Variants in EZH2 observed in about 807,000 individuals in gnomAD.
EZH2 encodes histone-lysine N-methyltransferase EZH2.
EZH2 carries 18 observed loss-of-function variants against 98.4 expected under a neutral mutation model. The ratio of observed to expected loss-of-function variants is 0.18; its 90% confidence interval spans 0.13 to 0.27. The LOEUF is 0.27. Among genes scored for constraint, EZH2 ranks in the 10% least tolerant of loss-of-function variants. EZH2 has a pLI of 1.00. For missense variants in EZH2, 470 were observed against 935.1 expected, an observed-to-expected ratio of 0.50 and a Z score of 6.49; for synonymous variants, 338 against 312.3, an observed-to-expected ratio of 1.08 and a Z score of -0.87.
At chr7:148,833,080 T>A (rs1042567062) in intron 3 of EZH2, among the ~76,000 whole-genome samples, 2 of 152,212 alleles carry the variant, frequency 1.3e-5, no homozygotes, top group Non-Finnish European at 2.9e-5. Context: ...ATTTCCTAGC[T>A]CATCCTTCAT....
intron 1 of EZH2, among the ~76,000 whole-genome samples, chr7:148,855,121 G>A (rs755159481): frequency 2.6e-5 from 4 of 152,234 alleles, no homozygotes; most frequent in Non-Finnish European, 5.9e-5. Flanking sequence ...CAAGATCAGA[G>A]ATGGCAAGGA....
chr7:148,878,204 T>C (rs1319508062), intron 1 of EZH2, among the ~76,000 whole-genome samples: 1 of 152,190 alleles, frequency 6.6e-6, no homozygotes, highest in Non-Finnish European at 1.5e-5. Context: ...CCATCACTAT[T>C]ATCCATCTCC....
Position 148,873,922 on chromosome 7 carries a change from C to G in EZH2, c.-8+10242G>C, listed in dbSNP as rs893393552. Among the ~76,000 whole-genome samples the G allele has an allele frequency of 2.6e-5, 4 of 151,908 alleles. No homozygotes were observed. The East Asian group carries it at 7.7e-4, about 29-fold the overall frequency. On this transcript the variant is annotated intron_variant, in intron 1 of 19. Coordinates refer to ENST00000320356, the MANE Select transcript of EZH2 (RefSeq NM_004456.5). Reference sequence around the variant, plus strand: ...TCTAAGCAGGAAAGAAGCTGCTTAACTTGGTTGGGATGGGAGAGGGGTGGT... The same window carrying G: ...TCTAAGCAGGAAAGAAGCTGCTTAAGTTGGTTGGGATGGGAGAGGGGTGGT...
At chr7:148,816,989 C>A in intron 11 of EZH2, 3 of 594,386 alleles carry the variant, frequency 5.0e-6, no homozygotes, top group Non-Finnish European at 5.8e-6. Flanking sequence ...TCAATTCTTA[C>A]TAGCTTTTAA....
At chr7:148,866,556 A>ATATACATATATATATACG (rs1476038310) in intron 1 of EZH2, among the ~76,000 whole-genome samples, 1 of 125,648 alleles carries the variant, frequency 8.0e-6, no homozygotes, top group Non-Finnish European at 1.7e-5. Flanking sequence ...ATATATATAC[A>ATATACATATATATATACG]TATATACATA....
chr7:148,841,975 A>T (rs1479618074), intron 3 of EZH2, among the ~76,000 whole-genome samples: 2 of 152,214 alleles, frequency 1.3e-5, no homozygotes, highest in African/African-American at 2.4e-5. Context: ...GCAAATCTGT[A>T]AATATTTAAA....
At chr7:148,872,365 T>A (rs1440246506) in intron 1 of EZH2, among the ~76,000 whole-genome samples, 1 of 152,172 alleles carries the variant, frequency 6.6e-6, no homozygotes, top group African/African-American at 2.4e-5. Flanking sequence ...GCTCAATGGG[T>A]ACAGAATTTC....
In EZH2 at chr7:148,828,809, C is replaced by T. The variant is rs1263098237; in HGVS notation, c.556G>A (p.Asp186Asn). ...NALGQYNDDD[D>N]DDDGDDPEER... is the part of the protein sequence containing the mutation. Reference sequence around the variant, plus strand: ...TCAGGATCGTCTCCATCATCATCATCGTCATCATCATTATATTGACCAAGG... The same window carrying T: ...TCAGGATCGTCTCCATCATCATCATTGTCATCATCATTATATTGACCAAGG... The change falls in exon 6 of 20, where the codon GAT becomes AAT. Residue 186 changes from aspartate to asparagine, a missense_variant. Physicochemically the swap from Asp to Asn is conservative, Grantham distance 23. Coordinates refer to ENST00000320356, the MANE Select transcript of EZH2 (RefSeq NM_004456.5). The T allele has an allele frequency of 6.2e-7, 1 of 1,613,572 alleles. No homozygotes were observed. Among genetic ancestry groups the T allele is most frequent in the Non-Finnish European group, 8.5e-7 (1 of 1,179,850 alleles).
chr7:148,866,063 G>A (rs1025208926), intron 1 of EZH2, among the ~76,000 whole-genome samples: 6 of 152,170 alleles, frequency 3.9e-5, no homozygotes, highest in African/African-American at 1.4e-4. Context: ...AAGAACAGTA[G>A]TAGTTTAGGG....
At chr7:148,834,356 C>CATATATATATATATAT (rs1442837575) in intron 3 of EZH2, among the ~76,000 whole-genome samples, 4 of 55,064 alleles carry the variant, frequency 7.3e-5, no homozygotes, top group African/African-American at 2.7e-4. Context: ...TATATATACA[C>CATATATATATATATAT]ACACACACAC....
chr7:148,834,584 A>G (rs958276904), intron 3 of EZH2, among the ~76,000 whole-genome samples: 3 of 152,194 alleles, frequency 2.0e-5, no homozygotes, highest in African/African-American at 7.2e-5. Flanking sequence ...TAAAGGTTTA[A>G]GGATGGAGTA....
chr7:148,834,200 G>T (rs1459864288), intron 3 of EZH2, among the ~76,000 whole-genome samples: 1 of 152,022 alleles, frequency 6.6e-6, no homozygotes, highest in African/African-American at 2.4e-5. Flanking sequence ...ACGAATCCGA[G>T]ATTCCTTAAA....
At chr7:148,853,266 G>C (rs1405698697) in intron 1 of EZH2, among the ~76,000 whole-genome samples, 3 of 152,148 alleles carry the variant, frequency 2.0e-5, no homozygotes, top group Non-Finnish European at 2.9e-5. Context: ...ACAAAAATTA[G>C]CTGGGTGTGG....
At chr7:148,877,706 A>C (rs1820367776) in intron 1 of EZH2, among the ~76,000 whole-genome samples, 1 of 152,134 alleles carries the variant, frequency 6.6e-6, no homozygotes, top group Admixed American at 6.5e-5. Flanking sequence ...AATGCATACT[A>C]TTACCACTCT....
chr7:148,836,453 T>G (rs956185715), intron 3 of EZH2, among the ~76,000 whole-genome samples: 17 of 152,176 alleles, frequency 1.1e-4, no homozygotes, highest in African/African-American at 4.1e-4. Context: ...TACTCAAAAA[T>G]CCCAGTTACT....
chr7:148,832,742 C>A lies in EZH2; in HGVS notation c.255G>T (p.Val85=). ...SSLRGTRECS[V]TSDLDFPTQV... The stretch of plus-strand genomic sequence containing the variant: ...GTGTTGGAAAATCCAAGTCACTGGT[C>A]ACCGAACACTAAAACAGAAAAAATA... Residue 85 remains valine, a synonymous_variant, in exon 4 of 20, where the codon GTG becomes GTT. Coordinates refer to ENST00000320356, the MANE Select transcript of EZH2 (RefSeq NM_004456.5). 6.2e-7 allele frequency: 1 copy of A among 1,600,314 alleles called. No homozygotes were observed. Among genetic ancestry groups the A allele is most frequent in the South Asian group, 1.1e-5 (1 of 89,974 alleles).
rs745705499 is a variant in EZH2 at position 148,875,518 on chromosome 7, T to C, written c.-8+8646A>G. Among the ~76,000 whole-genome samples the C allele has an allele frequency of 4.6e-5, 7 of 152,322 alleles. No individual in the cohort carries two copies. The South Asian group carries it at 1.0e-3, about 23-fold the overall frequency. On this transcript the variant is annotated intron_variant, in intron 1 of 19. Transcript: ENST00000320356. ...CATATGAAAAGATGTTCCAACATCA[T>C]TGATCATCTGAGAAACACAAACCCA...
chr7:148,809,219 T>C, intron 18 of EZH2, 64 bp from the exon 19 acceptor site: 2 of 1,586,998 alleles, frequency 1.3e-6, no homozygotes, highest in Non-Finnish European at 1.7e-6. Flanking sequence ...AACTGACTTG[T>C]TCACATAACA....
At position 148,871,577 on chromosome 7, in the gene EZH2, C is replaced by CTTTTTTTTTTTTTTT. The variant is rs376098406; in HGVS notation, c.-8+12572_-8+12586dup. On this transcript the variant is annotated intron_variant, in intron 1 of 19. Coordinates refer to ENST00000320356, the MANE Select transcript of EZH2 (RefSeq NM_004456.5). ...TCACATCCCACAAATAGTGTATTTT[C>CTTTTTTTTTTTTTTT]TTTTTTTTTTTTTTTGAGCAGGGTC... Among the ~76,000 whole-genome samples the CTTTTTTTTTTTTTTT allele has an allele frequency of 1.1e-3, 154 of 135,210 alleles. 5 individuals carry two copies. Among genetic ancestry groups the CTTTTTTTTTTTTTTT allele is most frequent in the African/African-American group, 4.1e-3 (148 of 35,932 alleles). 88.7% of individuals were successfully genotyped at this position (135,210 alleles called of 152,430 possible).
Sources: gnomAD v4.1 joint callset for allele counts (sites outside exome capture counted in the v4.1 genomes callset) on GRCh38, gnomAD v4.1.1 for gene constraint, MANE v1.5 for transcripts, NCBI Gene and HGNC (gene_info 2026-07-23, HGNC 2026-07-21) for gene names.